The following DCTN2 variants were observed in gnomAD, a reference collection of about 807,000 sequenced individuals.
DCTN2 encodes the protein 50 kDa dynein-associated polypeptide.
Under a neutral mutation model 55.4 loss-of-function variants are expected in DCTN2, and 18 were observed. That is an observed-to-expected ratio of 0.32 (90% CI 0.22 to 0.48). The LOEUF is 0.48. DCTN2 is among the 20% of genes least tolerant of loss of function. DCTN2 has a pLI of 0.99. For synonymous variants in DCTN2, 168 were observed against 185.2 expected, an observed-to-expected ratio of 0.91 and a Z score of 0.76; for missense variants, 390 against 491.0, an observed-to-expected ratio of 0.79 and a Z score of 1.94.
intron 2 of DCTN2, among the ~76,000 whole-genome samples, chr12:57,536,402 C>T (rs576031492): frequency 6.6e-6 from 1 of 152,336 alleles, no homozygotes; most frequent in African/African-American, 2.4e-5. Flanking sequence ...TGACCAGAAG[C>T]CTGATTTCCA....
At chr12:57,538,620 T>C (rs1880444775) in intron 2 of DCTN2, 1 of 698,290 alleles carries the variant, frequency 1.4e-6, no homozygotes, top group Non-Finnish European at 2.6e-6. Flanking sequence ...ACAAAATTGT[T>C]ATTAGCAAAT....
intron 2 of DCTN2, among the ~76,000 whole-genome samples, chr12:57,544,727 G>C (rs1198864289): frequency 6.6e-6 from 1 of 152,042 alleles, no homozygotes; most frequent in Non-Finnish European, 1.5e-5. Context: ...TTCCATTTGT[G>C]ATTGGTTGAA....
chr12:57,530,505 C>T lies in DCTN2; in HGVS notation c.*184G>A. 1 of 516,702 alleles carries T rather than the reference C, an allele frequency of 1.9e-6. No homozygotes were observed. The highest frequency in any genetic ancestry group is 3.4e-6 in the Non-Finnish European group (1 of 293,208). The allele number at this position is 516,702 out of a possible 1,614,324, so 32.0% of individuals were successfully genotyped here. A position where few individuals can be genotyped will look rare whatever the true frequency, so the allele number is the denominator to read the frequency against. On this transcript the variant is annotated 3_prime_UTR_variant, in exon 14 of 14. Transcript: ENST00000548249. ...AGACCACCTTCTGATGATAACCAAC[C>T]CCTAGCTACCACTCTGTATTCATCA... is the stretch of plus-strand genomic sequence containing the variant.
intron 11 of DCTN2, 97 bp downstream of exon 11, chr12:57,532,475 A>T: frequency 7.1e-7 from 1 of 1,409,016 alleles, no homozygotes; most frequent in Non-Finnish European, 1.0e-6. Flanking sequence ...GCTTATGAAG[A>T]TGGGGACCTG....
chr12:57,535,459 C>G, intron 4 of DCTN2, 25 bp downstream of exon 4: 1 of 1,610,106 alleles, frequency 6.2e-7, no homozygotes, highest in Non-Finnish European at 8.5e-7. Context: ...CCATTCCCAT[C>G]AACACACACA....
Position 57,535,497 on chromosome 12 carries a change from C to T in DCTN2, c.251G>A (p.Gly84Glu). 1 of 1,613,976 alleles carries T rather than the reference C, an allele frequency of 6.2e-7. No individual in the cohort carries two copies. Among genetic ancestry groups the T allele is most frequent in the Non-Finnish European group, 8.5e-7 (1 of 1,179,890 alleles). ...GKTKRTGYESGEYEMLGEGLG... is the reference protein window; with the variant it reads ...GKTKRTGYESEEYEMLGEGLG... ...CACACAACAAACCATCTCATATTCTCCAGATTCATATCCTGTCCTCTTGGT... is the reference window on the plus strand; with the variant it reads ...CACACAACAAACCATCTCATATTCTTCAGATTCATATCCTGTCCTCTTGGT... The change falls in exon 4 of 14, where the codon GGA becomes GAA. Residue 84 changes from glycine (G) to glutamate (E), a missense_variant. Transcript: ENST00000548249.
chr12:57,545,971 C>A (rs1881114888), intron 2 of DCTN2, 57 bp downstream of exon 2: 1 of 1,567,946 alleles, frequency 6.4e-7, no homozygotes, highest in African/African-American at 1.4e-5. Flanking sequence ...AGGGAAGGAC[C>A]TGTCTAGGGG....
At chr12:57,531,503 C>T (rs914561685) in intron 13 of DCTN2, among the ~76,000 whole-genome samples, 4 of 152,060 alleles carry the variant, frequency 2.6e-5, no homozygotes, top group African/African-American at 7.2e-5. Flanking sequence ...GGCAACAGAG[C>T]GAGACTCTGT....
Position 57,532,066 on chromosome 12 carries a change from G to C in DCTN2, c.1068C>G (p.Thr356=). 1 of 1,565,976 alleles carries C rather than the reference G, an allele frequency of 6.4e-7. No individual in the cohort carries two copies. The change falls in exon 13 of 14, where the codon ACC becomes ACG. Residue 356 remains threonine (T), a synonymous_variant. Transcript: ENST00000548249. ...TCAAGGAATTAGCAATCATCTGCTG[G>C]GTGGTATCCAAGTGTGTCAGGAGCT... is the stretch of plus-strand genomic sequence containing the variant. ...FGQLLTHLDT[T]QQMIANSLKD...
Position 57,534,340 on chromosome 12 carries a change from C to T in DCTN2, c.476G>A (p.Gly159Glu). ...GGTAAGGTTGATTGCAGCATCTGGT[C>T]CCAGCAGCTTCTCCAGGTGGGAAGC... is the stretch of plus-strand genomic sequence containing the variant. ...LVASHLEKLL[G>E]PDAAINLTDP... The change falls in exon 6 of 14, where the codon GGA (glycine) becomes GAA (glutamate). Residue 159 changes from glycine to glutamate, a missense_variant. This residue lies in a region of DCTN2 where 273 missense variants were observed against 303.2 expected (regional missense o/e 0.90). Coordinates refer to ENST00000548249, the MANE Select transcript of DCTN2 (RefSeq NM_001261413.2). 1 of 1,612,080 alleles carries T rather than the reference C, an allele frequency of 6.2e-7. No homozygotes were observed. Among genetic ancestry groups the T allele is most frequent in the Non-Finnish European group, 8.5e-7 (1 of 1,178,644 alleles).
At chr12:57,536,786 C>T (rs549893158) in intron 2 of DCTN2, among the ~76,000 whole-genome samples, 31 of 152,180 alleles carry the variant, frequency 2.0e-4, no homozygotes, top group Admixed American at 1.2e-3. Flanking sequence ...CCAAGCACTC[C>T]TGACTGCATG....
At chr12:57,544,071 A>G (rs1880931471) in intron 2 of DCTN2, 2 of 434,534 alleles carry the variant, frequency 4.6e-6, no homozygotes, top group Non-Finnish European at 9.2e-6. Context: ...TGTTTGTATC[A>G]CAGCGACAAA....
intron 12 of DCTN2, 43 bp downstream of exon 12, chr12:57,532,170 A>AT: frequency 6.4e-7 from 1 of 1,552,110 alleles, no homozygotes; most frequent in Non-Finnish European, 8.7e-7. Context: ...AAAGTTGCCC[A>AT]TTTTTCAACT....
At chr12:57,534,792 G>A (rs1880087738) in intron 5 of DCTN2, among the ~76,000 whole-genome samples, 1 of 152,094 alleles carries the variant, frequency 6.6e-6, no homozygotes, top group Non-Finnish European at 1.5e-5. Context: ...TTAGCCTCCC[G>A]AGTAGCTGGG....
In DCTN2 at chr12:57,547,175, G is replaced by C. The variant is rs1323937834; in HGVS notation, c.-112C>G. Reference sequence around the variant, plus strand: ...GGGCTAAGGCGGCGGCAAAGGGAGCGGCAGATGAGCAGGAAGTCTCGCGAC... The same window carrying C: ...GGGCTAAGGCGGCGGCAAAGGGAGCCGCAGATGAGCAGGAAGTCTCGCGAC... On this transcript the variant is annotated 5_prime_UTR_variant, in exon 1 of 14. Transcript: ENST00000548249. 8 of 871,996 alleles carry C rather than the reference G, an allele frequency of 9.2e-6. No individual in the cohort carries two copies. Among genetic ancestry groups the C allele is most frequent in the Non-Finnish European group, 1.2e-5 (8 of 651,246 alleles). 54.0% of individuals were successfully genotyped at this position (871,996 alleles called of 1,614,324 possible). A position where few individuals can be genotyped will look rare whatever the true frequency, so the allele number is the denominator to read the frequency against.
At chr12:57,532,926 A>T in intron 9 of DCTN2, 58 bp downstream of exon 9, 1 of 1,595,082 alleles carries the variant, frequency 6.3e-7, no homozygotes, top group Non-Finnish European at 8.6e-7. Flanking sequence ...CCTCAAAGCA[A>T]ACCCAAACCC....
intron 2 of DCTN2, chr12:57,541,385 C>A: frequency 6.3e-7 from 1 of 1,598,948 alleles, no homozygotes; most frequent in Non-Finnish European, 8.5e-7. Context: ...AGTGTCCAGG[C>A]AAGGTGGTGA....
At chr12:57,544,559 C>T (rs1009441984) in intron 2 of DCTN2, among the ~76,000 whole-genome samples, 5 of 151,728 alleles carry the variant, frequency 3.3e-5, no homozygotes, top group Admixed American at 2.6e-4. Context: ...GGACTATAAG[C>T]GCTCGCCACC....
chr12:57,538,430 A>G, intron 2 of DCTN2: 1 of 719,934 alleles, frequency 1.4e-6, no homozygotes, highest in South Asian at 1.5e-5. Context: ...TAGATGAATG[A>G]AAGATTTAGT....
Sources: gnomAD v4.1 joint callset for allele counts (sites outside exome capture counted in the v4.1 genomes callset) on GRCh38, gnomAD v4.1.1 for gene constraint, gnomAD v4.1.1 regional missense constraint, MANE v1.5 for transcripts, NCBI Gene and HGNC (gene_info 2026-07-23, HGNC 2026-07-21) for gene names.